BCLAF3: variants seen among roughly 807,000 people sequenced by gnomAD.
BCLAF3 encodes transient octamer binding factor 1.
Under a neutral mutation model 51.2 loss-of-function variants are expected in BCLAF3, and 24 were observed. The ratio of observed to expected loss-of-function variants is 0.47; its 90% CI spans 0.34 to 0.66. The LOEUF (loss-of-function observed/expected upper bound fraction) is 0.66, where lower values mean the gene tolerates loss of function less well. Among genes scored for constraint, BCLAF3 ranks in the 30% least tolerant of loss-of-function variants. BCLAF3 has a pLI of 0.01. For synonymous variants in BCLAF3, 152 were observed against 176.6 expected (o/e 0.86, Z 1.10); for missense variants, 465 against 525.1 (o/e 0.89, Z 1.12).
At chrX:19,983,681 C>T (rs2072698157) in intron 1 of BCLAF3, among the ~76,000 whole-genome samples, 2 of 109,852 alleles carry the variant, frequency 1.8e-5, no homozygotes, top group South Asian at 7.9e-4. Flanking sequence ...CACCACTGCA[C>T]TCCAGCCTGG....
At chrX:19,953,203 A>G (rs1279022602) in intron 6 of BCLAF3, 152 bp from the exon 7 acceptor site, 12 of 436,747 alleles carry the variant, frequency 2.7e-5, no homozygotes, top group Non-Finnish European at 4.3e-5. Context: ...CCTATATGGC[A>G]GTCTCCCAGG....
At chrX:19,988,966 AG>A (rs1322796953) in intron 1 of BCLAF3, among the ~76,000 whole-genome samples, 1 of 111,635 alleles carries the variant, frequency 9.0e-6, no homozygotes, top group African/African-American at 3.3e-5. Context: ...ATGACTAGAG[AG>A]GGGTAGTTGT....
Position 19,916,961 on chromosome X carries a change from G to A in BCLAF3, c.*344C>T, listed in dbSNP as rs1367723914. On this transcript the variant is annotated 3_prime_UTR_variant, in exon 12 of 12. Transcript: ENST00000379682. ...ACTTGTTTTTGTTTTTATTATGTAA[G>A]CAAAACTTTCAACATATAAACGTCT... The A allele has an allele frequency of 5.3e-6, 1 of 190,232 alleles. No individual in the cohort carries two copies. The highest frequency in any genetic ancestry group is 9.4e-6 in the Non-Finnish European group (1 of 106,220). 15.7% of individuals were successfully genotyped at this position (190,232 alleles called of 1,213,427 possible). A position where few individuals can be genotyped will look rare whatever the true frequency, so the allele number is the denominator to read the frequency against.
chrX:19,919,552 C>G (rs925800264), intron 11 of BCLAF3, among the ~76,000 whole-genome samples: 1 of 106,286 alleles, frequency 9.4e-6, no homozygotes, highest in Non-Finnish European at 1.9e-5. Flanking sequence ...CATTCAAAAA[C>G]AAAACAAAAA....
At position 19,936,196 on chromosome X, in the gene BCLAF3, C is replaced by T. The variant is rs774353112; in HGVS notation, c.1861-298G>A. 4.5e-5 allele frequency among the ~76,000 whole-genome samples: 5 copies of T among 111,819 alleles called. No homozygotes were observed. In the East Asian group the frequency reaches 1.1e-3, roughly 25 times the overall value. ...GGTGAATCTGAGAAAATGGATGATA[C>T]ATCTAGCATTTATTCAGGCAGCTAG... On this transcript the variant is annotated intron_variant, in intron 9 of 11. Transcript: ENST00000379682.
chrX:19,926,119 A>G (rs2070347636), intron 11 of BCLAF3, among the ~76,000 whole-genome samples: 3 of 111,674 alleles, frequency 2.7e-5, no homozygotes, highest in African/African-American at 9.8e-5. Context: ...TGCAATAGAA[A>G]GATATATGAA....
intron 1 of BCLAF3, among the ~76,000 whole-genome samples, chrX:19,978,266 T>C (rs2072493766): frequency 8.9e-6 from 1 of 112,155 alleles, no homozygotes; most frequent in African/African-American, 3.2e-5. Context: ...GAAAGTCAAT[T>C]GAAAACCTTC....
chrX:19,927,376 A>G (rs1487195111), intron 11 of BCLAF3, among the ~76,000 whole-genome samples: 1 of 112,160 alleles, frequency 8.9e-6, no homozygotes, highest in East Asian at 2.8e-4. Flanking sequence ...CATAAAAAAA[A>G]TAAGTTGCCA....
chrX:19,958,086 A>C (rs2071727567), intron 4 of BCLAF3, among the ~76,000 whole-genome samples: 1 of 111,929 alleles, frequency 8.9e-6, no homozygotes, highest in Non-Finnish European at 1.9e-5. Flanking sequence ...AAATACAGCC[A>C]AAAACCTCTA....
intron 4 of BCLAF3, among the ~76,000 whole-genome samples, chrX:19,956,923 T>C (rs192609204): frequency 1.8e-5 from 2 of 112,084 alleles, no homozygotes; most frequent in East Asian, 5.6e-4. Flanking sequence ...ACATATGTAC[T>C]TATTTATTTA....
At chrX:19,983,915 A>G (rs764551416) in intron 1 of BCLAF3, among the ~76,000 whole-genome samples, 1 of 101,729 alleles carries the variant, frequency 9.8e-6, no homozygotes, top group African/African-American at 3.6e-5. Context: ...CTAAAAATAT[A>G]AAAAAATGTA....
chrX:19,957,786 A>G (rs923492023), intron 4 of BCLAF3, among the ~76,000 whole-genome samples: 3 of 112,157 alleles, frequency 2.7e-5, no homozygotes, highest in Non-Finnish European at 5.6e-5. Flanking sequence ...CATTTTCTAG[A>G]AAATATACAT....
At chrX:19,936,851 G>T (rs2070781201) in intron 9 of BCLAF3, among the ~76,000 whole-genome samples, 1 of 111,059 alleles carries the variant, frequency 9.0e-6, no homozygotes, top group Non-Finnish European at 1.9e-5. Context: ...TTCATATTGG[G>T]TAATGAAAAT....
At chrX:19,980,482 C>T (rs4459043) in intron 1 of BCLAF3, among the ~76,000 whole-genome samples, 33,940 of 111,468 alleles carry the variant, frequency 0.3, 5,899 homozygotes, top group African/African-American at 0.67. Context: ...GAATTCTGCA[C>T]TCACTAACCC....
intron 4 of BCLAF3, among the ~76,000 whole-genome samples, chrX:19,957,100 C>A (rs756111077): frequency 1.6e-4 from 18 of 111,988 alleles, no homozygotes; most frequent in African/African-American, 5.5e-4. Flanking sequence ...CTCAGACCAG[C>A]GTTGCCAGGG....
intron 8 of BCLAF3, among the ~76,000 whole-genome samples, chrX:19,941,369 T>C (rs1180423110): frequency 9.6e-6 from 1 of 104,084 alleles, no homozygotes; most frequent in Non-Finnish European, 1.9e-5. Context: ...TGAATGGTAA[T>C]GCCTAGGTTA....
intron 11 of BCLAF3, among the ~76,000 whole-genome samples, chrX:19,920,940 C>T (rs1438039484): frequency 1.8e-5 from 2 of 111,019 alleles, no homozygotes; most frequent in Non-Finnish European, 3.8e-5. Context: ...ATAGTGGGGG[C>T]TTTGATATGA....
chrX:19,978,046 T>C (rs1312325025), intron 1 of BCLAF3, among the ~76,000 whole-genome samples: 1 of 111,846 alleles, frequency 8.9e-6, no homozygotes, highest in Non-Finnish European at 1.9e-5. Flanking sequence ...TTTCAAAATA[T>C]TAATGCTCAT....
chrX:19,963,318 T>A (rs1467052344), intron 4 of BCLAF3, among the ~76,000 whole-genome samples: 2 of 107,584 alleles, frequency 1.9e-5, no homozygotes, highest in East Asian at 6.0e-4. Flanking sequence ...GTGCTGGGAT[T>A]ACAGGCATGA....
Sources: gnomAD v4.1 joint callset for allele counts (sites outside exome capture counted in the v4.1 genomes callset) on GRCh38, gnomAD v4.1.1 for gene constraint, MANE v1.5 for transcripts, NCBI Gene and HGNC (gene_info 2026-07-23, HGNC 2026-07-21) for gene names.